RAB35: variants seen among roughly 807,000 people sequenced by gnomAD.
RAB35 encodes the protein ras-related protein Rab-35.
In RAB35, 4 loss-of-function variants were observed where a neutral mutation model predicts 28.9. The observed-to-expected ratio is 0.14, with a 90% CI of 0.07 to 0.32. The LOEUF is 0.32. Ranked by LOEUF, RAB35 falls within the 10% of genes least tolerant of loss-of-function variation. The probability of loss-of-function intolerance (pLI) is 1.00; values close to 1 mark genes in which losing one functional copy is unlikely to be tolerated. For missense variants in RAB35, 128 were observed against 274.0 expected (o/e 0.47, Z 3.76); for synonymous variants, 99 against 105.1 (o/e 0.94, Z 0.35).
chr12:120,100,169 A>G (rs1404808234), intron 3 of RAB35, among the ~76,000 whole-genome samples: 1 of 152,238 alleles, frequency 6.6e-6, no homozygotes, highest in African/African-American at 2.4e-5. Context: ...AGCCCAAGTC[A>G]GCGCAGGCTG....
chr12:120,107,266 T>C (rs113092836), intron 2 of RAB35, among the ~76,000 whole-genome samples: 4,301 of 151,664 alleles, frequency 0.028, 200 homozygotes, highest in African/African-American at 0.097. Flanking sequence ...GGATTACAGG[T>C]GTGAGCCACC....
intron 1 of RAB35, among the ~76,000 whole-genome samples, chr12:120,112,357 C>A (rs1187248195): frequency 6.6e-6 from 1 of 152,144 alleles, no homozygotes; most frequent in Non-Finnish European, 1.5e-5. Context: ...CCTGCCTGGG[C>A]TATGGCCCCC....
intron 2 of RAB35, among the ~76,000 whole-genome samples, chr12:120,108,037 T>C (rs866715923): frequency 6.6e-6 from 1 of 152,210 alleles, no homozygotes; most frequent in South Asian, 2.1e-4. Flanking sequence ...CACAAAGGCC[T>C]GCATGTGGAG....
intron 1 of RAB35, among the ~76,000 whole-genome samples, chr12:120,115,965 T>C (rs1482395825): frequency 1.3e-5 from 2 of 152,152 alleles, no homozygotes; most frequent in Non-Finnish European, 2.9e-5. Context: ...AGGGATATAA[T>C]AATTCAGCAG....
rs1431298700 is a variant in RAB35 at position 120,096,436 on chromosome 12, C to G, written c.*809G>C. ...TCTGTTAAAATAATCCTCCCATAGC[C>G]CCCCTGCCAGCCCCATCTCTGCACG... On this transcript the variant is annotated 3_prime_UTR_variant, in exon 6 of 6. Transcript: ENST00000229340. The G allele has an allele frequency of 7.8e-7, 1 of 1,287,788 alleles. No homozygotes were observed. The highest frequency in any genetic ancestry group is 1.2e-5 in the South Asian group (1 of 80,954). The allele number at this position is 1,287,788 out of a possible 1,614,324, so 79.8% of individuals were successfully genotyped here. A position where few individuals can be genotyped will look rare whatever the true frequency, so the allele number is the denominator to read the frequency against.
intron 1 of RAB35, among the ~76,000 whole-genome samples, chr12:120,112,977 G>A (rs970024827): frequency 4.7e-5 from 7 of 148,920 alleles, no homozygotes; most frequent in African/African-American, 7.5e-5. Flanking sequence ...TGCAACATCC[G>A]CCTCCTGGGT....
rs761738780 is a variant in RAB35 at position 120,098,801 on chromosome 12, A to C, written c.477+10T>G. Reference sequence around the variant, plus strand: ...GTGTGTGGCAGAGCCACAGTGGCCCAGGGCCTCACCTCTTCCACGTTGACA... The same window carrying C: ...GTGTGTGGCAGAGCCACAGTGGCCCCGGGCCTCACCTCTTCCACGTTGACA... On this transcript the variant is annotated intron_variant, in intron 5 of 5. Transcript: ENST00000229340. 9 of 1,613,966 alleles carry C rather than the reference A, an allele frequency of 5.6e-6. No homozygotes were observed. The highest frequency in any genetic ancestry group is 6.8e-6 in the Non-Finnish European group (8 of 1,179,952).
intron 1 of RAB35, among the ~76,000 whole-genome samples, chr12:120,115,919 T>C (rs1876311270): frequency 6.6e-6 from 1 of 152,134 alleles, no homozygotes; most frequent in African/African-American, 2.4e-5. Context: ...GATCCAACTA[T>C]CATTCCATCT....
chr12:120,102,297 C>G (rs1019659285), intron 3 of RAB35, among the ~76,000 whole-genome samples: 3 of 152,240 alleles, frequency 2.0e-5, no homozygotes, highest in Non-Finnish European at 4.4e-5. Context: ...TTCATGAGGT[C>G]AGCGCCCAGA....
At chr12:120,108,495 G>T (rs758829149) in intron 1 of RAB35, 28 bp from the exon 2 acceptor site, 2 of 1,606,790 alleles carry the variant, frequency 1.2e-6, no homozygotes, top group Admixed American at 1.7e-5. Context: ...CTGCGATGAG[G>T]GGGGCAGGTG....
intron 1 of RAB35, among the ~76,000 whole-genome samples, chr12:120,109,085 C>A (rs1394761520): frequency 6.6e-6 from 1 of 152,236 alleles, no homozygotes; most frequent in African/African-American, 2.4e-5. Context: ...AGACCATGCA[C>A]CAGCCACAGC....
chr12:120,105,916 C>CAAAA (rs61681731), intron 2 of RAB35, among the ~76,000 whole-genome samples: 22 of 49,720 alleles, frequency 4.4e-4, no homozygotes, highest in African/African-American at 1.0e-3. Context: ...GACTCCGTCT[C>CAAAA]AAAAAAAAAA....
chr12:120,102,271 C>T (rs931260407), intron 3 of RAB35, among the ~76,000 whole-genome samples: 4 of 152,246 alleles, frequency 2.6e-5, no homozygotes, highest in African/African-American at 7.2e-5. Flanking sequence ...GCGACAGGAC[C>T]AACCCAGAGC....
intron 1 of RAB35, 117 bp downstream of exon 1, chr12:120,116,482 C>A: frequency 1.5e-6 from 1 of 679,032 alleles, no homozygotes; most frequent in Non-Finnish European, 1.8e-6. Flanking sequence ...GACCGCCGGG[C>A]TGCCCCGCCC....
intron 3 of RAB35, among the ~76,000 whole-genome samples, chr12:120,102,022 T>C (rs1266175900): frequency 6.6e-6 from 1 of 152,140 alleles, no homozygotes; most frequent in East Asian, 1.9e-4. Context: ...TCTGAACCTC[T>C]GCCACCCTGA....
chr12:120,114,222 T>G (rs929865235), intron 1 of RAB35, among the ~76,000 whole-genome samples: 1 of 152,232 alleles, frequency 6.6e-6, no homozygotes, highest in African/African-American at 2.4e-5. Context: ...GTCTCCCAAG[T>G]AGCTGGGATT....
At chr12:120,106,859 T>G (rs907267768) in intron 2 of RAB35, among the ~76,000 whole-genome samples, 1 of 151,810 alleles carries the variant, frequency 6.6e-6, no homozygotes, top group Non-Finnish European at 1.5e-5. Flanking sequence ...AGTGCTAGGA[T>G]TACAGGCGTG....
chr12:120,109,657 CTTTTTT>C (rs543003528), intron 1 of RAB35, among the ~76,000 whole-genome samples: 156 of 120,020 alleles, frequency 1.3e-3, no homozygotes, highest in African/African-American at 4.8e-3. Flanking sequence ...GTTGCCCAGG[CTTTTTT>C]TTTTTTTTTT....
chr12:120,097,385 A>G lies in RAB35; in HGVS notation c.478-12T>C, dbSNP rs1048165763. 1.9e-6 allele frequency: 3 copies of G among 1,605,190 alleles called. No homozygotes were observed. Among genetic ancestry groups the G allele is most frequent in the Non-Finnish European group, 2.6e-6 (3 of 1,175,206 alleles). On this transcript the variant is annotated splice_polypyrimidine_tract_variant and intron_variant, in intron 5 of 5. Coordinates refer to ENST00000229340, the MANE Select transcript of RAB35 (RefSeq NM_006861.7). ...ATGCAGTTGAACATCTGTGGAGAGG[A>G]AAGAGGAAGGGCCCGCCTCAGACCT...
Sources: allele counts gnomAD v4.1 joint callset (sites outside exome capture counted in the v4.1 genomes callset), GRCh38; gene constraint gnomAD v4.1.1; transcripts MANE v1.5; gene names NCBI Gene and HGNC (gene_info 2026-07-23, HGNC 2026-07-21).